Variants in NCALD observed in about 807,000 individuals in gnomAD.
The protein encoded by NCALD is neurocalcin-delta.
A neutral mutation model predicts 18.6 loss-of-function variants in NCALD; 10 were observed. The observed-to-expected ratio is 0.54, with a 90% CI of 0.33 to 0.91. The LOEUF (loss-of-function observed/expected upper bound fraction) is 0.91. Ranked by LOEUF, NCALD falls within the 40% of genes least tolerant of loss-of-function variation. NCALD has a pLI of 0.03. For synonymous variants in NCALD, 88 were observed against 87.4 expected, an observed-to-expected ratio of 1.01 and a Z score of -0.04; for missense variants, 184 against 247.6, an observed-to-expected ratio of 0.74 and a Z score of 1.72.
At chr8:102,028,822 A>T (rs1418461427) in intron 1 of NCALD, among the ~76,000 whole-genome samples, 10 of 152,166 alleles carry the variant, frequency 6.6e-5, no homozygotes, top group Non-Finnish European at 1.5e-5. Context: ...CCAAACCAAG[A>T]TAATTTTGAG....
chr8:101,822,152 A>C (rs915478029), intron 4 of NCALD, among the ~76,000 whole-genome samples: 2 of 152,178 alleles, frequency 1.3e-5, no homozygotes, highest in Non-Finnish European at 2.9e-5. Flanking sequence ...AAACCTTCTA[A>C]AGAAACAAAT....
At chr8:101,932,846 A>G (rs1818626979) in intron 2 of NCALD, among the ~76,000 whole-genome samples, 1 of 152,172 alleles carries the variant, frequency 6.6e-6, no homozygotes, top group African/African-American at 2.4e-5. Flanking sequence ...AGAGAATATT[A>G]TTTTGCTGTC....
intron 1 of NCALD, among the ~76,000 whole-genome samples, chr8:101,739,207 G>T (rs926168760): frequency 6.6e-6 from 1 of 151,698 alleles, no homozygotes; most frequent in Non-Finnish European, 1.5e-5. Context: ...TGTCCTCATG[G>T]CTCCTTACCT....
At chr8:101,937,339 C>T (rs963407408) in intron 2 of NCALD, among the ~76,000 whole-genome samples, 2 of 152,158 alleles carry the variant, frequency 1.3e-5, no homozygotes, top group Non-Finnish European at 2.9e-5. Context: ...TCTCCCTCCT[C>T]CCACCCTCCA....
At chr8:101,720,078 G>A (rs1218699953) in intron 1 of NCALD, among the ~76,000 whole-genome samples, 1 of 152,144 alleles carries the variant, frequency 6.6e-6, no homozygotes, top group Non-Finnish European at 1.5e-5. Context: ...AGGAAAGGAG[G>A]AAGAGAGAGA....
intron 4 of NCALD, among the ~76,000 whole-genome samples, chr8:101,864,534 C>T (rs761477538): frequency 2.0e-5 from 3 of 151,284 alleles, no homozygotes; most frequent in Admixed American, 1.3e-4. Context: ...CATAAAGACT[C>T]GACAAGAAAA....
At chr8:101,798,150 C>T (rs1260281157) in intron 4 of NCALD, among the ~76,000 whole-genome samples, 2 of 152,096 alleles carry the variant, frequency 1.3e-5, no homozygotes, top group Non-Finnish European at 2.9e-5. Flanking sequence ...GCCAAAAGTT[C>T]TAGCCATTTC....
intron 2 of NCALD, among the ~76,000 whole-genome samples, chr8:101,988,131 G>A (rs1820888666): frequency 2.1e-5 from 3 of 140,644 alleles, no homozygotes; most frequent in Admixed American, 1.5e-4. Context: ...GTCCGGCCTG[G>A]GCGAAACAGC....
At chr8:102,002,845 A>C (rs1821530580) in intron 2 of NCALD, among the ~76,000 whole-genome samples, 1 of 152,256 alleles carries the variant, frequency 6.6e-6, no homozygotes, top group Non-Finnish European at 1.5e-5. Context: ...CAAAGACACA[A>C]CATACCAGAA....
intron 1 of NCALD, among the ~76,000 whole-genome samples, chr8:102,073,871 A>G (rs575428766): frequency 1.3e-5 from 2 of 152,220 alleles, no homozygotes; most frequent in Non-Finnish European, 2.9e-5. Context: ...TCTTTTCACC[A>G]CAGGTTCTCC....
chr8:102,088,046 G>A (rs1272685167), intron 1 of NCALD, among the ~76,000 whole-genome samples: 1 of 152,236 alleles, frequency 6.6e-6, no homozygotes, highest in Non-Finnish European at 1.5e-5. Context: ...TGCGCTTTGT[G>A]ATATGAATTT....
intron 4 of NCALD, among the ~76,000 whole-genome samples, chr8:101,830,610 T>C (rs140241427): frequency 6.5e-4 from 99 of 152,258 alleles, no homozygotes; most frequent in Middle Eastern, 3.4e-3. Context: ...TTGTCATTGT[T>C]CTCAATCTCA....
At chr8:102,018,508 T>A (rs997364871) in intron 2 of NCALD, among the ~76,000 whole-genome samples, 2 of 152,102 alleles carry the variant, frequency 1.3e-5, no homozygotes, top group African/African-American at 4.8e-5. Flanking sequence ...CCACGTAGTA[T>A]GTGAGGCCAT....
chr8:101,903,815 C>A (rs1002983606), intron 3 of NCALD, among the ~76,000 whole-genome samples: 3 of 152,166 alleles, frequency 2.0e-5, no homozygotes, highest in Non-Finnish European at 4.4e-5. Context: ...GCCTGGCTGC[C>A]TTTTGACCTC....
At chr8:101,793,122 C>T (rs151266954), upstream of NCALD, among the ~76,000 whole-genome samples, 1,120 of 151,918 alleles carry the variant, frequency 7.4e-3, 8 homozygotes, top group Middle Eastern at 0.041. Flanking sequence ...AGGCTGAGGC[C>T]GGTGGATCAC....
intron 1 of NCALD, among the ~76,000 whole-genome samples, chr8:101,753,424 A>G (rs1305624734): frequency 1.3e-5 from 2 of 152,258 alleles, no homozygotes; most frequent in Non-Finnish European, 1.5e-5. Context: ...GTTACCCACA[A>G]CCATTTCTCT....
chr8:101,872,278 A>C, intron 4 of NCALD: 1 of 1,391,526 alleles, frequency 7.2e-7, no homozygotes, highest in Non-Finnish European at 1.0e-6. Flanking sequence ...AACTTCTCCA[A>C]ATTTATTCTT....
chr8:101,860,064 A>T (rs1487435605), intron 4 of NCALD, among the ~76,000 whole-genome samples: 2 of 152,234 alleles, frequency 1.3e-5, no homozygotes, highest in Non-Finnish European at 2.9e-5. Context: ...GCAGCATTGT[A>T]CTTAAGAAGA....
intron 4 of NCALD, among the ~76,000 whole-genome samples, chr8:101,851,305 CT>C (rs1815081870): frequency 6.6e-6 from 1 of 151,892 alleles, no homozygotes; most frequent in Admixed American, 6.6e-5. Context: ...TTGCAAGCAT[CT>C]TATGAATTCA....
Sources: gnomAD v4.1 joint callset for allele counts (sites outside exome capture counted in the v4.1 genomes callset) on GRCh38, gnomAD v4.1.1 for gene constraint, MANE v1.5 for transcripts, NCBI Gene and HGNC (gene_info 2026-07-23, HGNC 2026-07-21) for gene names.